DNM3: variants seen among roughly 807,000 people sequenced by gnomAD.
The protein encoded by DNM3 is dynamin 3, also known as dynamin-3.
A neutral mutation model predicts 101.6 loss-of-function variants in DNM3; 47 were observed. The observed-to-expected ratio is 0.46, with a 90% confidence interval of 0.37 to 0.59. The LOEUF is 0.59. DNM3 is among the 20% of genes least tolerant of loss of function. The pLI is 0.00. For missense variants in DNM3, 849 were observed against 1,085.7 expected (o/e 0.78, Z 3.06); for synonymous variants, 385 against 387.9 (o/e 0.99, Z 0.09).
intron 15 of DNM3, among the ~76,000 whole-genome samples, chr1:172,263,676 G>GAAT (rs1482908628): frequency 3.3e-5 from 5 of 152,096 alleles, no homozygotes; most frequent in Admixed American, 3.3e-4. Context: ...ACTATCATGA[G>GAAT]AACAGCATGG....
At chr1:172,055,892 G>A (rs941295121) in intron 10 of DNM3, among the ~76,000 whole-genome samples, 9 of 152,276 alleles carry the variant, frequency 5.9e-5, no homozygotes, top group African/African-American at 1.7e-4. Context: ...CATGAGCGAC[G>A]CAGAAGACTG....
intron 14 of DNM3, chr1:172,138,911 G>C (rs950296782): frequency 2.5e-5 from 12 of 473,102 alleles, no homozygotes; most frequent in South Asian, 4.6e-5. Flanking sequence ...CCAGGCCCTT[G>C]GTTCCTTCAG....
At chr1:172,131,731 A>G in intron 14 of DNM3, 1 of 312,446 alleles carries the variant, frequency 3.2e-6, no homozygotes. Context: ...CTCAAATGAA[A>G]GGCTTTTAAG....
At chr1:172,063,246 C>T (rs947360339) in intron 10 of DNM3, among the ~76,000 whole-genome samples, 3 of 152,148 alleles carry the variant, frequency 2.0e-5, no homozygotes, top group African/African-American at 7.2e-5. Flanking sequence ...GAAATCTTGC[C>T]TGGTCTCTTG....
chr1:172,194,166 C>G (rs1245013615), intron 14 of DNM3, among the ~76,000 whole-genome samples: 2 of 152,002 alleles, frequency 1.3e-5, no homozygotes, highest in Non-Finnish European at 2.9e-5. Context: ...TGTAGTTGAG[C>G]GGTTTTGAGT....
At chr1:172,320,070 A>G in intron 16 of DNM3, among the ~76,000 whole-genome samples, 1 of 151,850 alleles carries the variant, frequency 6.6e-6, no homozygotes, top group East Asian at 1.9e-4. Context: ...TGATGAGTTC[A>G]TGTCCTTTGT....
chr1:172,102,301 C>G lies in DNM3; in HGVS notation c.1545+9426C>G, dbSNP rs181018551. On this transcript the variant is annotated intron_variant, in intron 13 of 20. Coordinates refer to ENST00000627582, the MANE Select transcript of DNM3 (RefSeq NM_015569.5). ...TTTTTTAATTCTATAAAAATATCTCCAAAGGGGCCAGTCAATAGCTTGTAA... is the reference window on the plus strand; with the variant it reads ...TTTTTTAATTCTATAAAAATATCTCGAAAGGGGCCAGTCAATAGCTTGTAA... 1.4e-4 allele frequency among the ~76,000 whole-genome samples: 21 copies of G among 152,148 alleles called. No homozygotes were observed. In the East Asian group the frequency reaches 3.9e-3, roughly 28 times the overall value.
chr1:171,911,273 C>CTTTT lies in DNM3; in HGVS notation c.162-10454_162-10451dup, dbSNP rs151321245. On this transcript the variant is annotated intron_variant, in intron 1 of 20. Transcript: ENST00000627582. ...TAAATACCTCACTTTACCCCAACATCTTTTTTTTTTTTTTTTTTTTTTTTG... is the reference window on the plus strand; with the variant it reads ...TAAATACCTCACTTTACCCCAACATCTTTTTTTTTTTTTTTTTTTTTTTTTTTTG... Among the ~76,000 whole-genome samples, 213 of 90,738 alleles carry CTTTT rather than the reference C, an allele frequency of 2.3e-3. 5 individuals are homozygous for CTTTT. Among genetic ancestry groups the CTTTT allele is most frequent in the East Asian group, 5.2e-3 (13 of 2,486 alleles). The allele number at this position is 90,738 out of a possible 152,430, so 59.5% of individuals were successfully genotyped here. A position where few individuals can be genotyped will look rare whatever the true frequency, so the allele number is the denominator to read the frequency against.
intron 1 of DNM3, among the ~76,000 whole-genome samples, chr1:171,914,885 C>A (rs2039591993): frequency 6.6e-6 from 1 of 151,360 alleles, no homozygotes; most frequent in African/African-American, 2.4e-5. Flanking sequence ...AGGGAGCAGA[C>A]AAGTGTGTGT....
intron 4 of DNM3, among the ~76,000 whole-genome samples, chr1:172,007,516 A>G (rs1322058260): frequency 2.0e-5 from 3 of 152,102 alleles, no homozygotes; most frequent in African/African-American, 7.2e-5. Flanking sequence ...TAATGAGTTA[A>G]AAATATTTCT....
intron 17 of DNM3, among the ~76,000 whole-genome samples, chr1:172,344,808 T>G (rs943855409): frequency 4.6e-5 from 7 of 152,250 alleles, no homozygotes; most frequent in African/African-American, 1.7e-4. Context: ...CTTCAAAATA[T>G]TAATGGTTGA....
At chr1:171,897,313 GT>G (rs2037903393) in intron 1 of DNM3, among the ~76,000 whole-genome samples, 1 of 152,132 alleles carries the variant, frequency 6.6e-6, no homozygotes, top group Non-Finnish European at 1.5e-5. Flanking sequence ...GGTTGGATTT[GT>G]TTTGCTCCTT....
chr1:171,903,349 T>G (rs776525829), intron 1 of DNM3, among the ~76,000 whole-genome samples: 5 of 152,226 alleles, frequency 3.3e-5, no homozygotes, highest in Non-Finnish European at 7.3e-5. Context: ...GATCTTTCCT[T>G]TGTACTTGGA....
intron 4 of DNM3, among the ~76,000 whole-genome samples, chr1:172,028,633 G>A (rs554339523): frequency 6.6e-6 from 1 of 152,190 alleles, no homozygotes; most frequent in Admixed American, 6.5e-5. Flanking sequence ...CCAGGAGCTG[G>A]TTTTTTGAGA....
At position 172,144,175 on chromosome 1, in the gene DNM3, A is replaced by G. The variant is rs2057746974; in HGVS notation, c.1659+12887A>G. Among the ~76,000 whole-genome samples the G allele has an allele frequency of 4.1e-5, 6 of 145,314 alleles. No homozygotes were observed. The Admixed American group carries it at 4.2e-4, about 10-fold the overall frequency. On this transcript the variant is annotated intron_variant, in intron 14 of 20. Transcript: ENST00000627582. ...CCTTTAAGAAAACACTTGAATTATCAATCTTCAGAAATAAAAAAAAAAAAA... is the reference window on the plus strand; with the variant it reads ...CCTTTAAGAAAACACTTGAATTATCGATCTTCAGAAATAAAAAAAAAAAAA...
At chr1:172,271,118 CT>C (rs2063067727) in intron 15 of DNM3, among the ~76,000 whole-genome samples, 1 of 152,010 alleles carries the variant, frequency 6.6e-6, no homozygotes, top group African/African-American at 2.4e-5. Context: ...CCACAAAGAG[CT>C]TTTGTTTATG....
chr1:172,369,087 A>G (rs2068182996), intron 17 of DNM3, among the ~76,000 whole-genome samples: 3 of 151,912 alleles, frequency 2.0e-5, no homozygotes, highest in Admixed American at 6.6e-5. Flanking sequence ...TTCTCAAACT[A>G]TTTCAGAAAA....
intron 14 of DNM3, among the ~76,000 whole-genome samples, chr1:172,165,663 A>C (rs575364103): frequency 2.0e-5 from 3 of 152,080 alleles, no homozygotes; most frequent in African/African-American, 7.2e-5. Flanking sequence ...TTAAATTCTT[A>C]CTTCCTTCAA....
chr1:171,870,537 T>C (rs2035176209), intron 1 of DNM3, among the ~76,000 whole-genome samples: 1 of 152,142 alleles, frequency 6.6e-6, no homozygotes, highest in Admixed American at 6.6e-5. Context: ...TTCTGTGTTC[T>C]GCAAAACGTT....
Sources: gnomAD v4.1 joint callset for allele counts (sites outside exome capture counted in the v4.1 genomes callset) on GRCh38, gnomAD v4.1.1 for gene constraint, MANE v1.5 for transcripts, NCBI Gene and HGNC (gene_info 2026-07-23, HGNC 2026-07-21) for gene names.